Variants in IQSEC1 observed in about 807,000 individuals in gnomAD.
IQSEC1 encodes IQ motif and SEC7 domain-containing protein 1.
IQSEC1 carries 31 observed loss-of-function variants against 91.0 expected under a neutral mutation model. The ratio of observed to expected loss-of-function variants is 0.34; its 90% CI spans 0.26 to 0.46. The LOEUF (loss-of-function observed/expected upper bound fraction) is 0.46, where lower values mean the gene tolerates loss of function less well. Among genes scored for constraint, IQSEC1 ranks in the 20% least tolerant of loss-of-function variants. The pLI is 1.00. For synonymous variants in IQSEC1, 699 were observed against 662.6 expected (o/e 1.05, Z -0.84); for missense variants, 1,388 against 1,575.6 (o/e 0.88, Z 2.02).
intron 10 of IQSEC1, among the ~76,000 whole-genome samples, chr3:12,910,202 T>C (rs1333931537): frequency 6.6e-6 from 1 of 152,194 alleles, no homozygotes; most frequent in East Asian, 1.9e-4. Context: ...ATGCAAACCA[T>C]ATAAAAGATA....
chr3:13,050,316 G>A (rs1293776235), intron 1 of IQSEC1, among the ~76,000 whole-genome samples: 1 of 152,070 alleles, frequency 6.6e-6, no homozygotes, highest in Non-Finnish European at 1.5e-5. Flanking sequence ...CAGCAAAAAA[G>A]GCCCAGAGTG....
At chr3:13,200,807 C>G (rs1324358632) in intron 1 of IQSEC1, among the ~76,000 whole-genome samples, 1 of 152,194 alleles carries the variant, frequency 6.6e-6, no homozygotes, top group Non-Finnish European at 1.5e-5. Context: ...TGTTTTGACT[C>G]TGGGCGAGTC....
intron 1 of IQSEC1, among the ~76,000 whole-genome samples, chr3:13,062,875 G>A (rs1705114542): frequency 6.6e-6 from 1 of 152,256 alleles, no homozygotes; most frequent in Non-Finnish European, 1.5e-5. Context: ...TGAAGCCATC[G>A]GTGCCAATAA....
intron 2 of IQSEC1, among the ~76,000 whole-genome samples, chr3:13,104,562 G>A (rs1706115510): frequency 6.6e-6 from 1 of 152,164 alleles, no homozygotes; most frequent in African/African-American, 2.4e-5. Context: ...GGGACCACCT[G>A]GGTGCCATCC....
In IQSEC1 at chr3:12,900,286, T is replaced by C; in HGVS notation, c.*697A>G. The C allele has an allele frequency of 3.0e-6, 3 of 984,866 alleles. No individual in the cohort carries two copies. Among genetic ancestry groups the C allele is most frequent in the African/African-American group, 1.7e-5 (1 of 57,242 alleles). 61.0% of individuals were successfully genotyped at this position (984,866 alleles called of 1,614,324 possible). A position where few individuals can be genotyped will look rare whatever the true frequency, so the allele number is the denominator to read the frequency against. ...CTAGAGGGACTTCTTTGTATGAAAA[T>C]ATGAAGTATCTGAATTTGTTCCTAG... On this transcript the variant is annotated 3_prime_UTR_variant, in exon 14 of 14. Coordinates refer to ENST00000613206, the MANE Select transcript of IQSEC1 (RefSeq NM_001134382.3).
chr3:13,022,688 C>G (rs1045574561), intron 1 of IQSEC1: 1 of 153,904 alleles, frequency 6.5e-6, no homozygotes, highest in East Asian at 1.9e-4. Flanking sequence ...GCCTGCAGCC[C>G]GGCCCACCGA....
At chr3:13,004,881 G>A (rs1417402825) in intron 1 of IQSEC1, among the ~76,000 whole-genome samples, 1 of 152,120 alleles carries the variant, frequency 6.6e-6, no homozygotes, top group Non-Finnish European at 1.5e-5. Context: ...TTGACTCCTG[G>A]GAGCTGCTCA....
intron 1 of IQSEC1, among the ~76,000 whole-genome samples, chr3:13,272,004 G>A (rs1695598063): frequency 1.3e-5 from 2 of 152,082 alleles, no homozygotes; most frequent in African/African-American, 2.4e-5. Flanking sequence ...AAGTGTACAC[G>A]GAACATTCTC....
At chr3:12,973,157 C>T (rs370251111) in intron 1 of IQSEC1, among the ~76,000 whole-genome samples, 5 of 152,270 alleles carry the variant, frequency 3.3e-5, no homozygotes, top group South Asian at 2.1e-4. Context: ...GGGTTTCCTA[C>T]GTGACACTGA....
At chr3:13,273,492 T>C (rs1478879609) in intron 1 of IQSEC1, among the ~76,000 whole-genome samples, 1 of 152,172 alleles carries the variant, frequency 6.6e-6, no homozygotes, top group East Asian at 1.9e-4. Flanking sequence ...GCCCCTCCCA[T>C]CTGGAGCCAC....
At chr3:13,086,872 T>A (rs1041450909) in intron 2 of IQSEC1, among the ~76,000 whole-genome samples, 18 of 152,226 alleles carry the variant, frequency 1.2e-4, no homozygotes, top group Admixed American at 3.3e-4. Flanking sequence ...TTTCTCAACA[T>A]CTGTCTTCTC....
intron 1 of IQSEC1, among the ~76,000 whole-genome samples, chr3:13,071,151 T>TG (rs1316774880): frequency 5.5e-5 from 4 of 72,602 alleles, no homozygotes; most frequent in Admixed American, 1.6e-4. Flanking sequence ...CAGTTTTTTT[T>TG]TGTTTTTTTT....
Position 12,967,487 on chromosome 3 carries a change from G to C in IQSEC1, c.24-25622C>G. The C allele has an allele frequency of 2.0e-6, 3 of 1,496,718 alleles. No homozygotes were observed. The highest frequency in any genetic ancestry group is 2.7e-6 in the Non-Finnish European group (3 of 1,128,958). The allele number at this position is 1,496,718 out of a possible 1,614,324, so 92.7% of individuals were successfully genotyped here. On this transcript the variant is annotated intron_variant, in intron 1 of 13. Transcript: ENST00000613206. This position sits in a 1 kb window ranked among gnomAD's most constrained non-coding sequence, Gnocchi z 5.9. ...GTGGGAGCGGGCCGGGCCGGGAGCC[G>C]GGACCCAGGCCCAGCAGAGGCCGCC...
intron 2 of IQSEC1, among the ~76,000 whole-genome samples, chr3:13,122,951 C>T (rs536861853): frequency 1.3e-5 from 2 of 152,274 alleles, no homozygotes; most frequent in African/African-American, 4.8e-5. Context: ...CCCGGCCCTG[C>T]CCCCAGGAGT....
intron 1 of IQSEC1, among the ~76,000 whole-genome samples, chr3:13,240,974 T>A (rs922928823): frequency 6.6e-6 from 1 of 152,190 alleles, no homozygotes; most frequent in Non-Finnish European, 1.5e-5. Flanking sequence ...GTGATCAACT[T>A]CAGCAGCATG....
intron 2 of IQSEC1, among the ~76,000 whole-genome samples, chr3:13,121,866 G>A (rs1706429728): frequency 6.6e-6 from 1 of 152,232 alleles, no homozygotes; most frequent in African/African-American, 2.4e-5. Context: ...GGGCACACCA[G>A]AGCACCGTCC....
chr3:12,959,949 A>G (rs1347425152), intron 1 of IQSEC1, among the ~76,000 whole-genome samples: 1 of 152,128 alleles, frequency 6.6e-6, no homozygotes, highest in Non-Finnish European at 1.5e-5. Context: ...CATTTAAATG[A>G]CGGCTCTGAG....
intron 2 of IQSEC1, among the ~76,000 whole-genome samples, chr3:13,085,530 G>A (rs1298268712): frequency 2.0e-5 from 3 of 152,244 alleles, no homozygotes; most frequent in Non-Finnish European, 4.4e-5. Context: ...CGTGACGGCA[G>A]CCCTGCCAGC....
upstream of IQSEC1, among the ~76,000 whole-genome samples, chr3:13,077,030 CT>C (rs11360262): frequency 0.62 from 89,912 of 144,776 alleles, 28,002 homozygotes; most frequent in East Asian, 0.71. Context: ...TTCTTTCTTT[CT>C]TTTTTTTTTT....
Sources: allele counts gnomAD v4.1 joint callset (sites outside exome capture counted in the v4.1 genomes callset), GRCh38; gene constraint gnomAD v4.1.1; non-coding constraint Gnocchi (gnomAD v3.1); transcripts MANE v1.5; gene names NCBI Gene and HGNC (gene_info 2026-07-23, HGNC 2026-07-21).